Variants in DNAH5 observed in about 807,000 individuals in gnomAD.
DNAH5 encodes the protein dynein axonemal heavy chain 5.
A neutral mutation model predicts 518.2 loss-of-function variants in DNAH5; 372 were observed. The ratio of observed to expected loss-of-function variants is 0.72; its 90% CI spans 0.66 to 0.78. DNAH5 has a LOEUF of 0.78. Ranked by LOEUF, DNAH5 falls within the 30% of genes least tolerant of loss-of-function variation. The pLI is 0.00. For synonymous variants in DNAH5, 2,039 were observed against 2,025.9 expected (o/e 1.01, Z -0.17); for missense variants, 5,523 against 5,687.0 (o/e 0.97, Z 0.93).
rs1242010338 is a variant in DNAH5, at chr5:13,833,160, G to GCA, written c.5883-2386_5883-2385insTG. Among the ~76,000 whole-genome samples the GCA allele has an allele frequency of 1.1e-4, 6 of 53,096 alleles. No individual in the cohort carries two copies. The East Asian group carries it at 6.3e-3, about 56-fold the overall frequency. 34.8% of individuals were successfully genotyped at this position (53,096 alleles called of 152,430 possible). On this transcript the variant is annotated intron_variant, in intron 35 of 78. Coordinates refer to ENST00000265104, the MANE Select transcript of DNAH5 (RefSeq NM_001369.3). ...AAAAAAAAAGAATGTGTTAACATAG[G>GCA]CCAAGCACAGTGGCTCATGCCTGTA...
chr5:13,804,118 G>A (rs1286132315), intron 47 of DNAH5, among the ~76,000 whole-genome samples: 2 of 152,066 alleles, frequency 1.3e-5, no homozygotes, highest in Non-Finnish European at 2.9e-5. Context: ...AGTTCGGGGG[G>A]AAAAATGAGG....
At chr5:13,708,073 T>C in intron 76 of DNAH5, 50 bp downstream of exon 76, 6 of 1,588,838 alleles carry the variant, frequency 3.8e-6, no homozygotes, top group Non-Finnish European at 4.3e-6. Context: ...CAATTACAAC[T>C]CTTCACAATC....
At chr5:13,773,167 G>C (rs1753581695) in intron 55 of DNAH5, among the ~76,000 whole-genome samples, 1 of 152,070 alleles carries the variant, frequency 6.6e-6, no homozygotes, top group South Asian at 2.1e-4. Flanking sequence ...TAGTATGCAG[G>C]CTGTAAATAG....
intron 41 of DNAH5, 145 bp downstream of exon 41, chr5:13,820,201 A>C (rs933199132): frequency 3.8e-5 from 36 of 943,378 alleles, no homozygotes; most frequent in Non-Finnish European, 5.5e-5. Context: ...TGTTATCTCT[A>C]AAATGTTCCC....
At chr5:14,009,532 T>C (rs147896700) in intron 1 of DNAH5, among the ~76,000 whole-genome samples, 53 of 152,350 alleles carry the variant, frequency 3.5e-4, no homozygotes, top group African/African-American at 1.3e-3. Flanking sequence ...AAAATCCATA[T>C]TTGCAGAATG....
chr5:13,691,365 A>G lies in DNAH5; in HGVS notation c.*619T>C, dbSNP rs1740675490. 6.6e-6 allele frequency: 1 copy of G among 152,244 alleles called. No homozygotes were observed. The highest frequency in any genetic ancestry group is 1.5e-5 in the Non-Finnish European group (1 of 68,050). The allele number at this position is 152,244 out of a possible 1,614,324, so 9.4% of individuals were successfully genotyped here. ...ACTTTTAGCTTTAATTTTTATTATA[A>G]GAATTATCAATTAGTATTTCATTAT... On this transcript the variant is annotated 3_prime_UTR_variant, in exon 79 of 79. Transcript: ENST00000265104.
chr5:13,903,592 G>C (rs897545086), intron 12 of DNAH5, among the ~76,000 whole-genome samples: 2 of 151,736 alleles, frequency 1.3e-5, no homozygotes, highest in African/African-American at 2.4e-5. Context: ...AATATTAAAA[G>C]ATAGAAATAT....
At chr5:13,864,708 CT>C (rs1768972179) in intron 27 of DNAH5, 71 bp from the exon 28 acceptor site, 1 of 1,522,338 alleles carries the variant, frequency 6.6e-7, no homozygotes, top group African/African-American at 1.4e-5. Context: ...AGACGGTCTG[CT>C]AGTATTTCTA....
intron 1 of DNAH5, among the ~76,000 whole-genome samples, chr5:13,957,255 T>A (rs1369870254): frequency 6.6e-6 from 1 of 152,228 alleles, no homozygotes; most frequent in Admixed American, 6.5e-5. Flanking sequence ...TAGTGGAGGT[T>A]AGCTGCCATC....
Position 13,886,492 on chromosome 5 carries a change from A to C in DNAH5, c.2578-363T>G, listed in dbSNP as rs181414440. On this transcript the variant is annotated intron_variant, in intron 17 of 78. Transcript: ENST00000265104. ...CTCCTTGTTTTTGCCAACAAACCATAGTCATCCCCTCATTAATTTCAAAGA... is the reference window on the plus strand; with the variant it reads ...CTCCTTGTTTTTGCCAACAAACCATCGTCATCCCCTCATTAATTTCAAAGA... Among the ~76,000 whole-genome samples, 619 of 152,324 alleles carry C rather than the reference A, an allele frequency of 4.1e-3. 1 individual carries two copies. Among genetic ancestry groups the C allele is most frequent in the Non-Finnish European group, 6.2e-3 (421 of 68,028 alleles).
intron 47 of DNAH5, among the ~76,000 whole-genome samples, chr5:13,799,440 T>C (rs898400670): frequency 2.6e-5 from 4 of 152,148 alleles, no homozygotes; most frequent in African/African-American, 9.7e-5. Flanking sequence ...CACCTATATT[T>C]TCTTCCCCTC....
rs749772293 is a variant in DNAH5 at position 13,820,401 on chromosome 5, C to T, written c.6786G>A (p.Gly2262=). Residue 2262 remains glycine, a synonymous_variant, in exon 41 of 79, where the codon GGG becomes GGA. Coordinates refer to ENST00000265104, the MANE Select transcript of DNAH5 (RefSeq NM_001369.3). ...AGGTGGTCTTCCCAGCCCCACTGGG[C>T]CCCAGAGTCATCATCCCATGTCGCA... ...QRVRHGMMTL[G]PSGAGKTTCI... The T allele has an allele frequency of 6.2e-7, 1 of 1,613,630 alleles. No homozygotes were observed. The highest frequency in any genetic ancestry group is 8.5e-7 in the Non-Finnish European group (1 of 1,180,000).
At chr5:13,931,863 G>C (rs1778461999) in intron 1 of DNAH5, among the ~76,000 whole-genome samples, 1 of 152,168 alleles carries the variant, frequency 6.6e-6, no homozygotes, top group Non-Finnish European at 1.5e-5. Flanking sequence ...ACTATAAAAT[G>C]TTTTCATGCA....
At chr5:13,929,534 T>A (rs1368521637) in intron 2 of DNAH5, among the ~76,000 whole-genome samples, 1 of 152,226 alleles carries the variant, frequency 6.6e-6, no homozygotes, top group Non-Finnish European at 1.5e-5. Context: ...GGATAAAATC[T>A]AGCCTGAACA....
rs776021439 is a variant in DNAH5, at chr5:13,751,100, C to G, written c.11189G>C (p.Arg3730Thr). The G allele has an allele frequency of 1.4e-5, 23 of 1,613,914 alleles. No individual in the cohort carries two copies. Among genetic ancestry groups the G allele is most frequent in the Non-Finnish European group, 1.9e-5 (23 of 1,179,902 alleles). Residue 3730 changes from arginine to threonine, a missense_variant, in exon 65 of 79, where the codon AGG (arginine) becomes ACG (threonine). By Grantham distance (71) the Arg-to-Thr change is moderately conservative (BLOSUM62 -1). This residue lies in a region of DNAH5 where 5,121 missense variants were observed against 5,223.3 expected (regional missense o/e 0.98). Transcript: ENST00000265104. ...MKGLEDQLLG[R>T]VILTEKQELE... Reference sequence around the variant, plus strand: ...CACCTGCTTCTCTGTGAGAATGACCCTCCCCAGTAACTGATCTTCTAGACC... The same window carrying G: ...CACCTGCTTCTCTGTGAGAATGACCGTCCCCAGTAACTGATCTTCTAGACC...
In DNAH5 at chr5:13,885,988, C is replaced by T. The variant is rs1772373275; in HGVS notation, c.2719G>A (p.Val907Ile). ...ESEKISNENSVNYKNESSAKR... is the reference protein window; with the variant it reads ...ESEKISNENSINYKNESSAKR... Reference sequence around the variant, plus strand: ...CCTGAACTTTCATTTTTGTAATTAACACTATTCTCATTGGATATTTTTTCA... The same window carrying T: ...CCTGAACTTTCATTTTTGTAATTAATACTATTCTCATTGGATATTTTTTCA... The change falls in exon 18 of 79, where the codon GTT becomes ATT. Residue 907 changes from valine to isoleucine, a missense_variant. Transcript: ENST00000265104. The T allele has an allele frequency of 3.1e-6, 5 of 1,612,926 alleles. No homozygotes were observed. The highest frequency in any genetic ancestry group is 1.1e-5 in the South Asian group (1 of 91,000).
At chr5:13,747,537 C>T (rs1313386911) in intron 65 of DNAH5, among the ~76,000 whole-genome samples, 3 of 152,314 alleles carry the variant, frequency 2.0e-5, no homozygotes, top group African/African-American at 2.4e-5. Flanking sequence ...TCTCCACATC[C>T]TCTCCAGCAT....
At chr5:13,815,678 A>C (rs1442752934) in intron 42 of DNAH5, among the ~76,000 whole-genome samples, 1 of 152,198 alleles carries the variant, frequency 6.6e-6, no homozygotes, top group Non-Finnish European at 1.5e-5. Context: ...GTTGAACCTG[A>C]AGGGCAAAAA....
rs138340701 is a variant in DNAH5 at position 13,768,083 on chromosome 5, T to A, written c.9897+877A>T. On this transcript the variant is annotated intron_variant, in intron 58 of 78. Transcript: ENST00000265104. ...CATTTCATTTTCTCAAAATCCAACCTCTTTTGTAATTTTGCCATTGGTGTA... is the reference window on the plus strand; with the variant it reads ...CATTTCATTTTCTCAAAATCCAACCACTTTTGTAATTTTGCCATTGGTGTA... Among the ~76,000 whole-genome samples the A allele has an allele frequency of 3.3e-5, 5 of 152,344 alleles. No individual in the cohort carries two copies. The East Asian group carries it at 7.7e-4, about 23-fold the overall frequency.
Sources: allele counts gnomAD v4.1 joint callset (sites outside exome capture counted in the v4.1 genomes callset), GRCh38; gene constraint gnomAD v4.1.1; regional missense constraint gnomAD v4.1.1; transcripts MANE v1.5; gene names NCBI Gene and HGNC (gene_info 2026-07-23, HGNC 2026-07-21).